Variants in DUSP22 observed in about 807,000 individuals in gnomAD.
DUSP22 encodes the protein dual specificity phosphatase 22.
In DUSP22, 24 loss-of-function variants were observed where a neutral mutation model predicts 24.5. The ratio of observed to expected loss-of-function variants is 0.98; its 90% CI spans 0.71 to 1.38. The LOEUF (loss-of-function observed/expected upper bound fraction) is 1.38, where lower values mean the gene tolerates loss of function less well. DUSP22 is among the 40% of genes most tolerant of loss of function. The probability of loss-of-function intolerance (pLI) is 0.00; values close to 1 mark genes in which losing one functional copy is unlikely to be tolerated. For missense variants in DUSP22, 330 were observed against 269.2 expected, an observed-to-expected ratio of 1.23 and a Z score of -1.58; for synonymous variants, 160 against 106.4, an observed-to-expected ratio of 1.50 and a Z score of -3.10.
At chr6:317,222 C>T (rs943801510) in intron 3 of DUSP22, among the ~76,000 whole-genome samples, 24 of 152,294 alleles carry the variant, frequency 1.6e-4, no homozygotes, top group Admixed American at 3.3e-4. Context: ...TCTGCTTGGA[C>T]GGCCCCATCC....
chr6:350,143 C>A lies in DUSP22; in HGVS notation c.*1192C>A. The A allele has an allele frequency of 3.0e-6, 3 of 986,124 alleles. No homozygotes were observed. The Middle Eastern group carries it at 1.6e-3, about 515-fold the overall frequency. 61.1% of individuals were successfully genotyped at this position (986,124 alleles called of 1,614,324 possible). ...TTTTTTGGTATGCAAGTCAGCTTTG[C>A]CTCACAGTTGAAAATGTTCGGTCAT... On this transcript the variant is annotated 3_prime_UTR_variant, in exon 7 of 7. Transcript: ENST00000419235.
Position 349,301 on chromosome 6 carries a change from G to C in DUSP22, c.*350G>C. On this transcript the variant is annotated 3_prime_UTR_variant, in exon 7 of 7. Coordinates refer to ENST00000419235, the MANE Select transcript of DUSP22 (RefSeq NM_001286555.3). ...TATGTGCACCTAAGTGTGTACATGT[G>C]TGTATGTTGTGAAAGTGTCTGTGCA... The C allele has an allele frequency of 8.3e-7, 1 of 1,204,406 alleles. No individual in the cohort carries two copies. The highest frequency in any genetic ancestry group is 1.0e-6 in the Non-Finnish European group (1 of 962,514). 74.6% of individuals were successfully genotyped at this position (1,204,406 alleles called of 1,614,324 possible). A position where few individuals can be genotyped will look rare whatever the true frequency, so the allele number is the denominator to read the frequency against.
intron 1 of DUSP22, among the ~76,000 whole-genome samples, chr6:294,823 A>T (rs1757252154): frequency 6.6e-6 from 1 of 152,284 alleles, no homozygotes; most frequent in Non-Finnish European, 1.5e-5. Context: ...GGAGGAGTAG[A>T]GGCTCCAGAG....
intron 1 of DUSP22, among the ~76,000 whole-genome samples, chr6:300,357 G>A (rs1412409096): frequency 6.6e-6 from 1 of 152,302 alleles, no homozygotes; most frequent in Non-Finnish European, 1.5e-5. Flanking sequence ...GTAGAATTTG[G>A]GTTTCATGCT....
chr6:295,715 A>G lies in DUSP22; in HGVS notation c.21+3155A>G, dbSNP rs1054146593. ...CTTGGGAGGCTGAGGTGGGAGAATC[A>G]CCTCAGCCCGGGAAGTCTAGGCTGG... On this transcript the variant is annotated intron_variant, in intron 1 of 6. Transcript: ENST00000419235. Among the ~76,000 whole-genome samples, 6 of 150,620 alleles carry G rather than the reference A, an allele frequency of 4.0e-5. No individual in the cohort carries two copies. The South Asian group carries it at 8.4e-4, about 21-fold the overall frequency.
At chr6:295,817 A>C (rs920658553) in intron 1 of DUSP22, among the ~76,000 whole-genome samples, 3 of 150,894 alleles carry the variant, frequency 2.0e-5, no homozygotes, top group Non-Finnish European at 3.0e-5. Flanking sequence ...AAAAAAAAAA[A>C]ACCCAACAAC....
chr6:316,608 A>G (rs977888037), intron 3 of DUSP22, among the ~76,000 whole-genome samples: 1 of 152,312 alleles, frequency 6.6e-6, no homozygotes, highest in Non-Finnish European at 1.5e-5. Flanking sequence ...TGAGAAACTA[A>G]TATTGAGCAA....
At chr6:316,414 C>G (rs552424587) in intron 3 of DUSP22, among the ~76,000 whole-genome samples, 4 of 152,418 alleles carry the variant, frequency 2.6e-5, no homozygotes, top group East Asian at 3.9e-4. Flanking sequence ...TCGCCTGTTT[C>G]TGTGCTCAGG....
rs745968465 is a variant in DUSP22 at position 345,856 on chromosome 6, C to G, written c.191C>G (p.Thr64Arg). The G allele has an allele frequency of 3.1e-6, 5 of 1,614,202 alleles. No individual in the cohort carries two copies. Among genetic ancestry groups the G allele is most frequent in the Non-Finnish European group, 4.2e-6 (5 of 1,179,998 alleles). ...PAADSPSQNL[T>R]RHFKESIKFI... ...TTTCTCTTTTTTTCTTTTCCCAGGA[C>G]AAGACATTTCAAAGAAAGTATTAAA... Residue 64 changes from threonine (T) to arginine (R), a missense_variant and splice_region_variant, in exon 5 of 7, where the codon ACA becomes AGA. Thr to Arg is a moderately conservative substitution (Grantham distance 71, BLOSUM62 -1). Coordinates refer to ENST00000419235, the MANE Select transcript of DUSP22 (RefSeq NM_001286555.3).
chr6:302,163 C>T (rs1367236648), intron 1 of DUSP22, among the ~76,000 whole-genome samples: 6 of 152,418 alleles, frequency 3.9e-5, no homozygotes, highest in Admixed American at 2.0e-4. Flanking sequence ...AGCATGGTGA[C>T]GAAGGGAGTG....
chr6:294,388 C>T (rs1475905435), intron 1 of DUSP22, among the ~76,000 whole-genome samples: 2 of 152,268 alleles, frequency 1.3e-5, no homozygotes, highest in African/African-American at 4.8e-5. Context: ...GGTAAATGAC[C>T]CAAAGATTCT....
At chr6:303,968 G>C (rs529349055) in intron 1 of DUSP22, among the ~76,000 whole-genome samples, 6 of 152,304 alleles carry the variant, frequency 3.9e-5, no homozygotes, top group Admixed American at 6.5e-5. Context: ...CAACAAAGAC[G>C]TGTTCTTCTT....
At chr6:308,237 A>G (rs1323076001) in intron 2 of DUSP22, among the ~76,000 whole-genome samples, 1 of 152,276 alleles carries the variant, frequency 6.6e-6, no homozygotes, top group Non-Finnish European at 1.5e-5. Flanking sequence ...GTCTGTGCTC[A>G]GGAGGAGCTA....
chr6:348,018 T>TA (rs1759964204), intron 5 of DUSP22, 85 bp from the exon 6 acceptor site: 4 of 1,567,618 alleles, frequency 2.6e-6, no homozygotes, highest in Non-Finnish European at 3.5e-6. Context: ...ACAAGGTCCT[T>TA]AGAGTCCCCC....
intron 1 of DUSP22, among the ~76,000 whole-genome samples, chr6:296,763 GTCTTTA>G (rs562942262): frequency 8.7e-3 from 1,320 of 151,780 alleles, no homozygotes; most frequent in African/African-American, 0.031. Context: ...TGTGCAAGAA[GTCTTTA>G]TCTTGATCAG....
intron 2 of DUSP22, among the ~76,000 whole-genome samples, chr6:306,548 T>G (rs1379725709): frequency 2.6e-5 from 4 of 152,096 alleles, no homozygotes; most frequent in African/African-American, 9.7e-5. Flanking sequence ...ATTATTACCT[T>G]AAGTTATTCT....
At chr6:301,013 C>T (rs1442259636) in intron 1 of DUSP22, among the ~76,000 whole-genome samples, 5 of 152,302 alleles carry the variant, frequency 3.3e-5, no homozygotes, top group Non-Finnish European at 7.3e-5. Flanking sequence ...AAAGAGGACA[C>T]TCTAGGCTAT....
intron 3 of DUSP22, 134 bp downstream of exon 3, chr6:312,096 T>C (rs1758137049): frequency 2.0e-6 from 2 of 1,006,354 alleles, no homozygotes; most frequent in South Asian, 3.4e-5. Context: ...ATTCCCATTG[T>C]GTTCAGGCCG....
chr6:345,503 C>T (rs1309862731), intron 4 of DUSP22, among the ~76,000 whole-genome samples: 4 of 152,308 alleles, frequency 2.6e-5, no homozygotes, highest in African/African-American at 9.6e-5. Flanking sequence ...AGCCACCGCA[C>T]CCAGCCATGT....
Sources: allele counts gnomAD v4.1 joint callset (sites outside exome capture counted in the v4.1 genomes callset), GRCh38; gene constraint gnomAD v4.1.1; transcripts MANE v1.5; gene names NCBI Gene and HGNC (gene_info 2026-07-23, HGNC 2026-07-21).